WNT5A: variants seen among roughly 807,000 people sequenced by gnomAD.
The protein encoded by WNT5A is Wnt family member 5A.
Under a neutral mutation model 42.1 loss-of-function variants are expected in WNT5A, and 9 were observed. That is an observed-to-expected ratio of 0.21 (90% CI 0.13 to 0.37). The LOEUF (loss-of-function observed/expected upper bound fraction) is 0.37, where lower values mean the gene tolerates loss of function less well. WNT5A is among the 10% of genes least tolerant of loss of function. The pLI is 1.00. For synonymous variants in WNT5A, 210 were observed against 210.0 expected, an observed-to-expected ratio of 1.00 and a Z score of 0.00; for missense variants, 426 against 534.0, an observed-to-expected ratio of 0.80 and a Z score of 1.99.
chr3:55,497,559 T>C, the WNT5A span: 2 of 152,254 alleles, frequency 1.3e-5, no homozygotes, highest in Non-Finnish European at 2.9e-5. Context: ...TACAATTTTC[T>C]TCTACTTCTC....
intron 1 of WNT5A, among the ~76,000 whole-genome samples, chr3:55,486,770 C>A (rs955322124): frequency 1.3e-5 from 2 of 152,328 alleles, no homozygotes; most frequent in South Asian, 4.1e-4. Flanking sequence ...ACGGGTGGTG[C>A]GACCAGAAGT....
the WNT5A span, among the ~76,000 whole-genome samples, chr3:55,497,181 G>A: frequency 2.6e-5 from 4 of 152,238 alleles, no homozygotes; most frequent in African/African-American, 9.6e-5. Context: ...GGGTGAGGTG[G>A]GAGCCTCCTA....
intron 1 of WNT5A, among the ~76,000 whole-genome samples, chr3:55,485,526 T>C (rs1277128201): frequency 6.6e-6 from 1 of 151,650 alleles, no homozygotes; most frequent in Non-Finnish European, 1.5e-5. Context: ...CAGCCAAGGA[T>C]CCACACACTC....
upstream of WNT5A, chr3:55,487,317 G>A: frequency 2.6e-6 from 1 of 382,590 alleles, no homozygotes; most frequent in Non-Finnish European, 4.6e-6. Flanking sequence ...CCACGGAGAG[G>A]CGCTCCGTTT....
chr3:55,493,999 GAC>G (rs2051688992), upstream of WNT5A: 1 of 152,188 alleles, frequency 6.6e-6, no homozygotes. Context: ...TCAGTCCTGT[GAC>G]ACAGCTCAGC....
In WNT5A at chr3:55,470,247, C is replaced by T; in HGVS notation, c.988G>A (p.Glu330Lys). Residue 330 changes from glutamate (E) to lysine (K), a missense_variant, in exon 5 of 5, where the codon GAG becomes AAG. Around this residue, in one of 3 missense-constraint regions of WNT5A, gnomAD observed 358 missense variants for 468.1 expected, o/e 0.76. Transcript: ENST00000264634. The part of the protein sequence containing the change: ...TQGRLCNKTS[E>K]GMDGCELMCC... ...ATGAGCTCGCAGCCATCCATGCCCT[C>T]CGACGTCTTGTTGCACAGGCGGCCC... 1 of 1,614,126 alleles carries T rather than the reference C, an allele frequency of 6.2e-7. No individual in the cohort carries two copies. Among genetic ancestry groups the T allele is most frequent in the Non-Finnish European group, 8.5e-7 (1 of 1,179,978 alleles).
chr3:55,477,969 CA>C (rs2051387627), intron 3 of WNT5A, among the ~76,000 whole-genome samples: 1 of 152,146 alleles, frequency 6.6e-6, no homozygotes, highest in Admixed American at 6.5e-5. Context: ...TAGAATTTTT[CA>C]AAAGTATTTA....
intron 1 of WNT5A, 30 bp from the exon 2 acceptor site, chr3:55,480,948 A>G: frequency 6.9e-7 from 1 of 1,449,500 alleles, no homozygotes; most frequent in Non-Finnish European, 9.1e-7. Flanking sequence ...GCAGATGTTT[A>G]TTGCCTCTCA....
chr3:55,474,652 A>T (rs1206131775), intron 3 of WNT5A, 23 bp from the exon 4 acceptor site: 1 of 1,255,582 alleles, frequency 8.0e-7, no homozygotes, highest in Admixed American at 4.3e-5. Context: ...ACAAGGGATC[A>T]CTGGCCGCCT....
intron 1 of WNT5A, chr3:55,481,399 G>A: frequency 1.0e-6 from 1 of 985,508 alleles, no homozygotes; most frequent in Non-Finnish European, 1.2e-6. Flanking sequence ...CGAGTGGAGC[G>A]CGCTGCCGCC....
At chr3:55,480,732 A>C (rs2051442539) in intron 2 of WNT5A, 53 bp downstream of exon 2, 1 of 1,481,066 alleles carries the variant, frequency 6.8e-7, no homozygotes, top group East Asian at 2.5e-5. Flanking sequence ...CATACAAACA[A>C]ATCTTAAAAA....
chr3:55,480,994 G>A (rs760486123), intron 1 of WNT5A, 76 bp from the exon 2 acceptor site: 4 of 1,315,502 alleles, frequency 3.0e-6, no homozygotes, highest in Non-Finnish European at 3.9e-6. Flanking sequence ...AACAACGGAA[G>A]CATCCGGGGT....
Position 55,474,460 on chromosome 3 carries a change from G to T in WNT5A, c.561C>A (p.Asp187Glu), listed in dbSNP as rs1398723381. The T allele has an allele frequency of 6.2e-7, 1 of 1,607,340 alleles. No individual in the cohort carries two copies. The change falls in exon 4 of 5, where the codon GAC becomes GAA. Residue 187 changes from aspartate to glutamate, a missense_variant. Around this residue, in one of 3 missense-constraint regions of WNT5A, gnomAD observed 358 missense variants for 468.1 expected, o/e 0.76. Coordinates refer to ENST00000264634, the MANE Select transcript of WNT5A (RefSeq NM_003392.7). ...ACTCCTTGGCAAAGCGGTAGCCATAGTCGATGTTGTCGCCGCAGCCGCCCC... is the reference window on the plus strand; with the variant it reads ...ACTCCTTGGCAAAGCGGTAGCCATATTCGATGTTGTCGCCGCAGCCGCCCC... Reference protein sequence around the residue: ...WLWGGCGDNIDYGYRFAKEFV... With the variant: ...WLWGGCGDNIEYGYRFAKEFV...
rs1367345190 is a variant in WNT5A, at chr3:55,483,291, C to T, written c.7-2373G>A. On this transcript the variant is annotated intron_variant, in intron 1 of 4. Transcript: ENST00000264634. This position sits in a 1 kb window ranked among gnomAD's most constrained non-coding sequence, Gnocchi z 4.2. The stretch of plus-strand genomic sequence containing the variant: ...GAAAGGAGAGCCTCACGAGTCGCAT[C>T]TCCACTTAACCCCGCCGCTTGCCCG... Among the ~76,000 whole-genome samples, 1 of 152,150 alleles carries T rather than the reference C, an allele frequency of 6.6e-6. No homozygotes were observed. Among genetic ancestry groups the T allele is most frequent in the Non-Finnish European group, 1.5e-5 (1 of 68,034 alleles).
At chr3:55,477,327 A>G (rs1459366177) in intron 3 of WNT5A, among the ~76,000 whole-genome samples, 12 of 152,170 alleles carry the variant, frequency 7.9e-5, no homozygotes, top group Admixed American at 7.2e-4. Context: ...TTTTTTAATT[A>G]AGTAAAAAAC....
rs1301280563 is a variant in WNT5A at position 55,483,014 on chromosome 3, C to A, written c.7-2096G>T. Among the ~76,000 whole-genome samples, 2 of 152,218 alleles carry A rather than the reference C, an allele frequency of 1.3e-5. No individual in the cohort carries two copies. Among genetic ancestry groups the A allele is most frequent in the Non-Finnish European group, 2.9e-5 (2 of 68,038 alleles). On this transcript the variant is annotated intron_variant, in intron 1 of 4. Transcript: ENST00000264634. The surrounding 1 kb of genome is among the most constrained non-coding windows in gnomAD (Gnocchi z 4.2). The stretch of plus-strand genomic sequence containing the variant: ...GGCCGCGTGCACTTTCCAAGCTTCG[C>A]GGCGAGCGGGGCGCGTGGGGCGGGG...
chr3:55,496,639 T>C, the WNT5A span, among the ~76,000 whole-genome samples: 1 of 152,234 alleles, frequency 6.6e-6, no homozygotes, highest in Non-Finnish European at 1.5e-5. Flanking sequence ...CCCTCAGTCC[T>C]TAGTCATGCA....
intron 1 of WNT5A, among the ~76,000 whole-genome samples, chr3:55,485,642 G>A (rs944986927): frequency 7.4e-6 from 1 of 135,738 alleles, no homozygotes; most frequent in Non-Finnish European, 1.6e-5. Context: ...TGGCTGGTTC[G>A]GCAGTGAATG....
intron 2 of WNT5A, among the ~76,000 whole-genome samples, chr3:55,480,198 A>G (rs900926574): frequency 6.6e-6 from 1 of 152,224 alleles, no homozygotes; most frequent in African/African-American, 2.4e-5. Context: ...AATGCCGTCA[A>G]AAATAATCCT....
Sources: gnomAD v4.1 joint callset for allele counts (sites outside exome capture counted in the v4.1 genomes callset) on GRCh38, gnomAD v4.1.1 for gene constraint, gnomAD v4.1.1 regional missense constraint, Gnocchi (gnomAD v3.1) non-coding constraint, MANE v1.5 for transcripts, NCBI Gene and HGNC (gene_info 2026-07-23, HGNC 2026-07-21) for gene names.